KCNT1: variants seen among roughly 807,000 people sequenced by gnomAD.
KCNT1 encodes the protein potassium channel subfamily T member 1.
A neutral mutation model predicts 147.8 loss-of-function variants in KCNT1; 78 were observed. The observed-to-expected ratio is 0.53, with a 90% CI of 0.44 to 0.64. The LOEUF (loss-of-function observed/expected upper bound fraction) is 0.64, where lower values mean the gene tolerates loss of function less well. Ranked by LOEUF, KCNT1 falls within the 30% of genes least tolerant of loss-of-function variation. The probability of loss-of-function intolerance (pLI) is 0.00; values close to 1 mark genes in which losing one functional copy is unlikely to be tolerated. For missense variants in KCNT1, 1,419 were observed against 1,750.3 expected, an observed-to-expected ratio of 0.81 and a Z score of 3.38; for synonymous variants, 867 against 748.8, an observed-to-expected ratio of 1.16 and a Z score of -2.58.
chr9:135,719,713 C>T (rs537991742), intron 2 of KCNT1, among the ~76,000 whole-genome samples: 8 of 152,294 alleles, frequency 5.3e-5, no homozygotes, highest in Non-Finnish European at 8.8e-5. Flanking sequence ...GAGGAAGCTT[C>T]GTCCCTGAGC....
rs765939745 is a variant in KCNT1 at position 135,752,260 on chromosome 9, G to C, written c.434+1219G>C. On this transcript the variant is annotated intron_variant, in intron 4 of 30. Coordinates refer to ENST00000371757, the MANE Select transcript of KCNT1 (RefSeq NM_020822.3). This position sits in a 1 kb window ranked among gnomAD's most constrained non-coding sequence, Gnocchi z 5.1. ...GCCTGGCTTCTGGGGACCTAAAGGC[G>C]TCCATGTAAACTTTTGCTCAATCCC... 2 of 429,854 alleles carry C rather than the reference G, an allele frequency of 4.7e-6. No homozygotes were observed. Among genetic ancestry groups the C allele is most frequent in the African/African-American group, 4.1e-5 (2 of 48,714 alleles). 26.6% of individuals were successfully genotyped at this position (429,854 alleles called of 1,614,324 possible).
rs2131355132 is a variant in KCNT1 at position 135,727,731 on chromosome 9, C to A, written c.254+13011C>A. 1.3e-5 allele frequency among the ~76,000 whole-genome samples: 2 copies of A among 152,372 alleles called. 1 individual carries two copies. The highest frequency in any genetic ancestry group is 4.1e-4 in the South Asian group (2 of 4,828). On this transcript the variant is annotated intron_variant, in intron 2 of 30. Transcript: ENST00000371757. ...GTACTGCTCCTCCAGCCCCCACTCG[C>A]TGGCCTGGATTCTCCGGACAGAGGT...
Position 135,765,679 on chromosome 9 carries a change from T to C in KCNT1, c.1256T>C (p.Val419Ala). 6.2e-7 allele frequency: 1 copy of C among 1,610,548 alleles called. No homozygotes were observed. The highest frequency in any genetic ancestry group is 8.5e-7 in the Non-Finnish European group (1 of 1,178,942). ...GAGATGGATGTCCAGGTGCGCAGAG[T>C]CCTGCAGATCCCTCTGTGGTCCCAG... is the stretch of plus-strand genomic sequence containing the variant. ...PTEMDVQVRRVLQIPLWSQRV... is the reference protein window; with the variant it reads ...PTEMDVQVRRALQIPLWSQRV... Residue 419 changes from valine to alanine, a missense_variant, in exon 13 of 31, where the codon GTC becomes GCC. By Grantham distance (64) the Val-to-Ala change is moderately conservative. This residue lies in a region of KCNT1 where 401 missense variants were observed against 610.6 expected (regional missense o/e 0.66). Transcript: ENST00000371757.
chr9:135,787,051 C>T (rs1834111776), intron 29 of KCNT1, among the ~76,000 whole-genome samples: 1 of 152,180 alleles, frequency 6.6e-6, no homozygotes, highest in Non-Finnish European at 1.5e-5. Flanking sequence ...GGGACCCCCT[C>T]CCAGAGCCCC....
At chr9:135,708,546 A>G (rs1481554167) in intron 1 of KCNT1, among the ~76,000 whole-genome samples, 3 of 151,300 alleles carry the variant, frequency 2.0e-5, no homozygotes, top group Non-Finnish European at 2.9e-5. Flanking sequence ...GACAGTCACA[A>G]TCTTTTTTTG....
chr9:135,758,314 G>T, intron 9 of KCNT1, 100 bp from the exon 10 acceptor site: 2 of 888,980 alleles, frequency 2.2e-6, no homozygotes, highest in Non-Finnish European at 3.7e-6. Flanking sequence ...CGCAGGTGTG[G>T]CCGGGCCGTC....
In KCNT1 at chr9:135,758,521, CG is replaced by C; in HGVS notation, c.854+14del. On this transcript the variant is annotated intron_variant, in intron 10 of 30. Transcript: ENST00000371757. The stretch of plus-strand genomic sequence containing the variant: ...TCGTTTTCACGGGGTGAGTGCCGGC[CG>C]TCAGTGTGAGCACCCCAGGACGTTG... 1 of 1,608,914 alleles carries C rather than the reference CG, an allele frequency of 6.2e-7. No individual in the cohort carries two copies. Among genetic ancestry groups the C allele is most frequent in the East Asian group, 2.2e-5 (1 of 44,868 alleles).
rs1060503695 is a variant in KCNT1, at chr9:135,786,293, C to T, written c.3274C>T (p.Arg1092Cys). ...TGGCACCGGAGGCAGCTCCCAGGGC[C>T]GCCACACGGGCGGCGGTGACCCCGC... ...RAGTGGSSQG[R>C]HTGGGDPAEH... Residue 1092 changes from arginine to cysteine, a missense_variant, in exon 29 of 31, where the codon CGC becomes TGC. By Grantham distance (180) the Arg-to-Cys change is radical (BLOSUM62 -3). This residue lies in a region of KCNT1 where 306 missense variants were observed against 294.2 expected (regional missense o/e 1.04). Coordinates refer to ENST00000371757, the MANE Select transcript of KCNT1 (RefSeq NM_020822.3). 33 of 1,606,196 alleles carry T rather than the reference C, an allele frequency of 2.1e-5. No homozygotes were observed. Among genetic ancestry groups the T allele is most frequent in the Admixed American group, 1.0e-4 (6 of 59,234 alleles).
chr9:135,706,603 C>T (rs908391100), intron 1 of KCNT1, among the ~76,000 whole-genome samples: 3 of 152,246 alleles, frequency 2.0e-5, no homozygotes, highest in Admixed American at 1.3e-4. Context: ...TTTGTAGCCA[C>T]TCTGGGGCAC....
At position 135,791,864 on chromosome 9, in the gene KCNT1, G is replaced by A. The variant is rs1247173859; in HGVS notation, c.3570G>A (p.Leu1190=). The A allele has an allele frequency of 6.2e-7, 1 of 1,613,900 alleles. No homozygotes were observed. Among genetic ancestry groups the A allele is most frequent in the Non-Finnish European group, 8.5e-7 (1 of 1,179,930 alleles). Residue 1190 remains leucine, a synonymous_variant, in exon 30 of 31, where the codon CTG becomes CTA. Transcript: ENST00000371757. ...VLINPPPDTR[L]EPSDIVYLIR... ...TCAACCCTCCGCCCGACACGAGGCT[G>A]GAGCCCAGTGACATTGTGTGAGTAG...
At chr9:135,756,989 C>G in intron 7 of KCNT1, 57 bp downstream of exon 7, 1 of 1,169,702 alleles carries the variant, frequency 8.5e-7, no homozygotes, top group Non-Finnish European at 1.2e-6. Context: ...CCCACCCTCC[C>G]CAGCCTCCCC....
chr9:135,711,214 C>T (rs979666113), intron 1 of KCNT1, among the ~76,000 whole-genome samples: 5 of 152,334 alleles, frequency 3.3e-5, no homozygotes, highest in South Asian at 2.1e-4. Context: ...CCAACTGGAA[C>T]GGGAATGCCC....
At position 135,730,996 on chromosome 9, in the gene KCNT1, A is replaced by AAG. The variant is rs1335327612; in HGVS notation, c.254+16277_254+16278insGA. On this transcript the variant is annotated intron_variant, in intron 2 of 30. Transcript: ENST00000371757. The surrounding 1 kb of genome is among the most constrained non-coding windows in gnomAD (Gnocchi z 4.7). Reference sequence around the variant, plus strand: ...GTGAGATCCCGTCTCAAGGTAAAAAAAAAAAAAAAAAAAAAAAGTGTGGTT... The same window carrying AAG: ...GTGAGATCCCGTCTCAAGGTAAAAAAAGAAAAAAAAAAAAAAAAAGTGTGGTT... Among the ~76,000 whole-genome samples, 1 of 149,920 alleles carries AAG rather than the reference A, an allele frequency of 6.7e-6. No homozygotes were observed. The highest frequency in any genetic ancestry group is 2.5e-5 in the African/African-American group (1 of 40,214).
At chr9:135,790,960 G>A (rs374717909) in intron 29 of KCNT1, 5 of 152,356 alleles carry the variant, frequency 3.3e-5, no homozygotes, top group African/African-American at 1.2e-4. Flanking sequence ...ACTGTGAGAT[G>A]ATGGGGGGGC....
In KCNT1 at chr9:135,702,382, C is replaced by T. The variant is rs1396113697; in HGVS notation, c.110+14C>T. ...ATGCGCCCCCAGGTACAGTCTGCTGCGCCCTCCCCACGCGGGGAGGCCCCG... is the reference window on the plus strand; with the variant it reads ...ATGCGCCCCCAGGTACAGTCTGCTGTGCCCTCCCCACGCGGGGAGGCCCCG... On this transcript the variant is annotated intron_variant, in intron 1 of 30. Transcript: ENST00000371757. The T allele has an allele frequency of 3.1e-6, 5 of 1,596,802 alleles. No individual in the cohort carries two copies. Among genetic ancestry groups the T allele is most frequent in the Admixed American group, 1.7e-5 (1 of 59,560 alleles).
chr9:135,786,717 C>G (rs1834082796), intron 29 of KCNT1, among the ~76,000 whole-genome samples, 196 bp downstream of exon 29: 1 of 152,262 alleles, frequency 6.6e-6, no homozygotes, highest in Non-Finnish European at 1.5e-5. Flanking sequence ...CACGGCCCAG[C>G]AGAGGCCCCG....
chr9:135,792,077 CAGCAGCTCCCAGAGCCGGAAG>C lies in KCNT1; in HGVS notation c.3632_3652del (p.Ser1211_Ser1217del). 1 of 1,604,290 alleles carries C rather than the reference CAGCAGCTCCCAGAGCCGGAAG, an allele frequency of 6.2e-7. No homozygotes were observed. Among genetic ancestry groups the C allele is most frequent in the South Asian group, 1.1e-5 (1 of 90,988 alleles). The stretch of plus-strand genomic sequence containing the variant: ...GCTCCGACCCCCTGGCTCACGTGGC[CAGCAGCTCCCAGAGCCGGAAG>C]AGCAGCTGCAGCCACAAGCTGTCGT... On this transcript the variant is annotated inframe_deletion, in exon 31 of 31. Coordinates refer to ENST00000371757, the MANE Select transcript of KCNT1 (RefSeq NM_020822.3).
At chr9:135,708,983 T>G (rs1202828428) in intron 1 of KCNT1, among the ~76,000 whole-genome samples, 1 of 152,206 alleles carries the variant, frequency 6.6e-6, no homozygotes, top group Non-Finnish European at 1.5e-5. Flanking sequence ...TGCTGGAGTT[T>G]AGGGAAGGAC....
At chr9:135,754,351 G>A (rs929328350) in intron 5 of KCNT1, among the ~76,000 whole-genome samples, 11 of 152,180 alleles carry the variant, frequency 7.2e-5, no homozygotes, top group Non-Finnish European at 1.6e-4. Context: ...TTCCCAGCCA[G>A]TTCCACAGCC....
Sources: gnomAD v4.1 joint callset for allele counts (sites outside exome capture counted in the v4.1 genomes callset) on GRCh38, gnomAD v4.1.1 for gene constraint, gnomAD v4.1.1 regional missense constraint, Gnocchi (gnomAD v3.1) non-coding constraint, MANE v1.5 for transcripts, NCBI Gene and HGNC (gene_info 2026-07-23, HGNC 2026-07-21) for gene names.